Variants in SDK1 observed in about 807,000 individuals in gnomAD.
SDK1 encodes protein sidekick-1.
A neutral mutation model predicts 245.5 loss-of-function variants in SDK1; 157 were observed. The ratio of observed to expected loss-of-function variants is 0.64; its 90% CI spans 0.56 to 0.73. The LOEUF is 0.73. Ranked by LOEUF, SDK1 falls within the 30% of genes least tolerant of loss-of-function variation. The pLI is 0.00. For missense variants in SDK1, 3,583 were observed against 3,002.3 expected (o/e 1.19, Z -4.52); for synonymous variants, 1,647 against 1,278.5 (o/e 1.29, Z -6.15).
chr7:3,378,432 C>A (rs186406274), intron 1 of SDK1, among the ~76,000 whole-genome samples: 2 of 152,072 alleles, frequency 1.3e-5, no homozygotes, highest in African/African-American at 4.8e-5. Flanking sequence ...TTATCACTTG[C>A]GTTTCTTCGA....
At chr7:3,612,918 C>G (rs926386629) in intron 1 of SDK1, among the ~76,000 whole-genome samples, 3 of 152,038 alleles carry the variant, frequency 2.0e-5, no homozygotes, top group Admixed American at 6.5e-5. Context: ...CCCCCACCCC[C>G]CTTGTTTGTG....
intron 44 of SDK1, among the ~76,000 whole-genome samples, chr7:4,264,411 A>G (rs570340788): frequency 2.5e-4 from 27 of 105,986 alleles, no homozygotes; most frequent in Admixed American, 4.9e-4. Flanking sequence ...TGGGGTAAGG[A>G]AGGCCGCGTG....
intron 22 of SDK1, among the ~76,000 whole-genome samples, chr7:4,091,347 T>TTTG (rs1781787550): frequency 7.0e-6 from 1 of 143,626 alleles, no homozygotes; most frequent in African/African-American, 2.6e-5. Context: ...TTTTTTTTTT[T>TTTG]TTTTTTTTTG....
intron 21 of SDK1, among the ~76,000 whole-genome samples, 157 bp from the exon 22 acceptor site, chr7:4,079,306 G>A (rs562951199): frequency 6.6e-6 from 1 of 152,310 alleles, no homozygotes; most frequent in Admixed American, 6.5e-5. Context: ...CCCTGGGGAA[G>A]CTGTGCTGCT....
chr7:3,324,966 A>G (rs1779906168), intron 1 of SDK1, among the ~76,000 whole-genome samples: 1 of 152,142 alleles, frequency 6.6e-6, no homozygotes, highest in East Asian at 1.9e-4. Flanking sequence ...GCTTTAGGAA[A>G]CTGTATTCAA....
chr7:3,921,243 C>A (rs1018838226), intron 5 of SDK1, among the ~76,000 whole-genome samples: 1 of 152,210 alleles, frequency 6.6e-6, no homozygotes, highest in Admixed American at 6.5e-5. Context: ...ACAGCACACA[C>A]TGTTTTGTAA....
chr7:4,199,482 G>C (rs1461300645), intron 35 of SDK1, among the ~76,000 whole-genome samples: 6 of 152,208 alleles, frequency 3.9e-5, no homozygotes, highest in Non-Finnish European at 8.8e-5. Context: ...TTGTCTAGCA[G>C]TATTGAAGTT....
Position 3,565,940 on chromosome 7 carries a change from A to G in SDK1, c.299-53140A>G, listed in dbSNP as rs182808421. On this transcript the variant is annotated intron_variant, in intron 1 of 44. Coordinates refer to ENST00000404826, the MANE Select transcript of SDK1 (RefSeq NM_152744.4). ...GATGAACTGTACATATGATCAAACTATAAGAGTCAATTTATTCTAGTAGTA... is the reference window on the plus strand; with the variant it reads ...GATGAACTGTACATATGATCAAACTGTAAGAGTCAATTTATTCTAGTAGTA... Among the ~76,000 whole-genome samples the G allele has an allele frequency of 8.9e-4, 135 of 152,344 alleles. 1 individual carries two copies. The highest frequency in any genetic ancestry group is 2.8e-3 in the African/African-American group (118 of 41,584).
intron 1 of SDK1, among the ~76,000 whole-genome samples, chr7:3,415,949 T>C (rs535183511): frequency 3.3e-5 from 5 of 152,134 alleles, no homozygotes; most frequent in Non-Finnish European, 5.9e-5. Context: ...GCTCCCTACC[T>C]TCATATTCTG....
intron 4 of SDK1, among the ~76,000 whole-genome samples, chr7:3,774,931 T>C (rs982001383): frequency 6.6e-6 from 1 of 152,168 alleles, no homozygotes; most frequent in Non-Finnish European, 1.5e-5. Flanking sequence ...GCCTTTTGCT[T>C]CTATGGTGGG....
chr7:3,884,083 G>GTTTTTTTTTT (rs529710738), intron 5 of SDK1, among the ~76,000 whole-genome samples: 1 of 136,190 alleles, frequency 7.3e-6, no homozygotes, highest in Non-Finnish European at 1.6e-5. Flanking sequence ...TTGTTTTTTT[G>GTTTTTTTTTT]TTTTTTTTTT....
At chr7:4,153,816 A>G (rs894464077) in intron 30 of SDK1, among the ~76,000 whole-genome samples, 3 of 151,562 alleles carry the variant, frequency 2.0e-5, no homozygotes, top group Admixed American at 2.0e-4. Context: ...AGCTAAGACT[A>G]CAGGCATATG....
chr7:3,739,244 T>G (rs1364580048), intron 4 of SDK1, among the ~76,000 whole-genome samples: 1 of 152,224 alleles, frequency 6.6e-6, no homozygotes, highest in Non-Finnish European at 1.5e-5. Flanking sequence ...ATTTAACAGC[T>G]TTACTTTTAT....
chr7:3,424,118 G>T (rs986260883), intron 1 of SDK1, among the ~76,000 whole-genome samples: 1 of 152,036 alleles, frequency 6.6e-6, no homozygotes, highest in Admixed American at 6.5e-5. Context: ...CACCATGTTT[G>T]CCAGGCTGGT....
chr7:3,644,005 C>G (rs895655221), intron 4 of SDK1, among the ~76,000 whole-genome samples: 10 of 151,162 alleles, frequency 6.6e-5, no homozygotes, highest in African/African-American at 1.5e-4. Flanking sequence ...CAGGTTCAAG[C>G]GATTCTCCTG....
At chr7:3,828,670 T>A (rs1193475979) in intron 5 of SDK1, among the ~76,000 whole-genome samples, 2 of 148,908 alleles carry the variant, frequency 1.3e-5, no homozygotes, top group South Asian at 2.1e-4. Flanking sequence ...TTTTTTGTTT[T>A]TTTGACACAA....
At chr7:3,529,040 G>A (rs1237449294) in intron 1 of SDK1, among the ~76,000 whole-genome samples, 1 of 152,120 alleles carries the variant, frequency 6.6e-6, no homozygotes, top group Non-Finnish European at 1.5e-5. Flanking sequence ...GAACAAATAA[G>A]TAAATATATT....
intron 14 of SDK1, among the ~76,000 whole-genome samples, chr7:3,988,159 C>T (rs58457770): frequency 0.011 from 1,154 of 102,698 alleles, 21 homozygotes; most frequent in African/African-American, 0.04. Context: ...TTTTTTTTTA[C>T]CTCACTCCTG....
intron 1 of SDK1, among the ~76,000 whole-genome samples, chr7:3,551,950 G>A (rs953099837): frequency 6.6e-5 from 10 of 152,098 alleles, no homozygotes; most frequent in Non-Finnish European, 1.2e-4. Context: ...TAATTTAATT[G>A]AGAAAATTAA....
Sources: allele counts gnomAD v4.1 joint callset (sites outside exome capture counted in the v4.1 genomes callset), GRCh38; gene constraint gnomAD v4.1.1; transcripts MANE v1.5; gene names NCBI Gene and HGNC (gene_info 2026-07-23, HGNC 2026-07-21).